The following CNDP2 variants were observed in gnomAD, a reference collection of about 807,000 sequenced individuals.
CNDP2 encodes the protein cytosolic non-specific dipeptidase.
Under a neutral mutation model 55.0 loss-of-function variants are expected in CNDP2, and 38 were observed. That is an observed-to-expected ratio of 0.69 (90% CI 0.53 to 0.90). CNDP2 has a LOEUF of 0.90. Ranked by LOEUF, CNDP2 falls within the 40% of genes least tolerant of loss-of-function variation. The probability of loss-of-function intolerance (pLI) is 0.00; values close to 1 mark genes in which losing one functional copy is unlikely to be tolerated. For synonymous variants in CNDP2, 241 were observed against 260.2 expected (o/e 0.93, Z 0.71); for missense variants, 607 against 621.7 (o/e 0.98, Z 0.25).
Position 74,516,326 on chromosome 18 carries a change from G to A in CNDP2, c.1002G>A (p.Arg334=). Residue 334 remains arginine, a synonymous_variant, in exon 9 of 12, where the codon AGG becomes AGA. Transcript: ENST00000324262. ...CTGGGGCCAAGACCGTGATTCCCAG[G>A]AAGGTGGTTGGCAAGTTCTCCATCA... ...SGSGAKTVIP[R]KVVGKFSIRL... 6.2e-7 allele frequency: 1 copy of A among 1,614,148 alleles called. No individual in the cohort carries two copies.
chr18:74,505,837 C>G lies in CNDP2; in HGVS notation c.205-12C>G, dbSNP rs749182829. 6 of 1,612,940 alleles carry G rather than the reference C, an allele frequency of 3.7e-6. No homozygotes were observed. Among genetic ancestry groups the G allele is most frequent in the Non-Finnish European group, 5.1e-6 (6 of 1,179,634 alleles). ...AAAGGCTGTCCTTGGTTCCTTTCCT[C>G]TCCATGCTCAGCTCCCTGATGGCTC... On this transcript the variant is annotated splice_polypyrimidine_tract_variant and intron_variant, in intron 3 of 11. Transcript: ENST00000324262.
At chr18:74,512,247 T>C in intron 6 of CNDP2, 2 of 558,418 alleles carry the variant, frequency 3.6e-6, no homozygotes, top group African/African-American at 1.9e-5. Context: ...GTGGTTGGCA[T>C]ATGCCACAGA....
chr18:74,511,268 C>T (rs1045584033), intron 6 of CNDP2: 14 of 507,412 alleles, frequency 2.8e-5, no homozygotes, highest in African/African-American at 5.7e-5. Flanking sequence ...TGCTTTGGAG[C>T]GGCTGAGAGG....
chr18:74,500,719 A>G (rs1452067561), intron 2 of CNDP2, among the ~76,000 whole-genome samples: 3 of 152,206 alleles, frequency 2.0e-5, no homozygotes, highest in Non-Finnish European at 4.4e-5. Context: ...TTGTAGAAGG[A>G]AGGGCTTTAT....
At chr18:74,501,291 CT>C in intron 2 of CNDP2, 37 bp from the exon 3 acceptor site, 2 of 1,598,302 alleles carry the variant, frequency 1.3e-6, no homozygotes, top group Non-Finnish European at 1.7e-6. Context: ...TCAAGGACAC[CT>C]TTTCAGAATC....
intron 1 of CNDP2, among the ~76,000 whole-genome samples, chr18:74,498,534 G>C (rs927415969): frequency 2.6e-5 from 4 of 152,158 alleles, no homozygotes. Flanking sequence ...TAATGAGAAT[G>C]TACCACAGTG....
intron 4 of CNDP2, among the ~76,000 whole-genome samples, chr18:74,506,382 C>T (rs934281111): frequency 3.3e-5 from 5 of 152,060 alleles, no homozygotes; most frequent in Non-Finnish European, 5.9e-5. Flanking sequence ...TGATCCCCCC[C>T]ACCTCAGCCT....
chr18:74,513,613 T>G lies in CNDP2; in HGVS notation c.797T>G (p.Val266Gly). Residue 266 changes from valine to glycine, a missense_variant, in exon 8 of 12, where the codon GTG (valine) becomes GGG (glycine). Coordinates refer to ENST00000324262, the MANE Select transcript of CNDP2 (RefSeq NM_018235.3). ...CTGATCCCCGGCATTAACGAGGCCG[T>G]GGCCGCCGTCACGGAAGAGGAGCAC... The part of the protein sequence containing the change: ...NILIPGINEA[V>G]AAVTEEEHKL... The G allele has an allele frequency of 6.2e-7, 1 of 1,613,984 alleles. No individual in the cohort carries two copies. The highest frequency in any genetic ancestry group is 8.5e-7 in the Non-Finnish European group (1 of 1,180,006).
intron 4 of CNDP2, chr18:74,508,086 G>C (rs1428808422): frequency 6.6e-6 from 1 of 152,328 alleles, no homozygotes; most frequent in Non-Finnish European, 1.5e-5. Flanking sequence ...AGCCCCGGGA[G>C]GTCAGGAGAC....
chr18:74,508,724 G>A (rs1979171689), intron 4 of CNDP2, 116 bp from the exon 5 acceptor site: 4 of 755,362 alleles, frequency 5.3e-6, no homozygotes, highest in Non-Finnish European at 9.2e-6. Context: ...CTGATCGGAA[G>A]GGGAAGCCTC....
intron 3 of CNDP2, among the ~76,000 whole-genome samples, chr18:74,503,937 A>AT (rs1978859263): frequency 6.7e-6 from 1 of 150,182 alleles, no homozygotes; most frequent in African/African-American, 2.5e-5. Flanking sequence ...GGGACAAATG[A>AT]GGGGCGTCAG....
chr18:74,500,123 C>A, intron 2 of CNDP2, 90 bp downstream of exon 2: 3 of 1,049,462 alleles, frequency 2.9e-6, no homozygotes, highest in South Asian at 1.4e-5. Context: ...TGAATTATGC[C>A]ATTTAAATCC....
chr18:74,510,938 T>G lies in CNDP2; in HGVS notation c.582T>G (p.Ser194=), dbSNP rs767049173. 6 of 1,614,102 alleles carry G rather than the reference T, an allele frequency of 3.7e-6. No individual in the cohort carries two copies. The highest frequency in any genetic ancestry group is 5.1e-6 in the Non-Finnish European group (6 of 1,180,048). Residue 194 remains serine (S), a synonymous_variant, in exon 6 of 12, where the codon TCT becomes TCG. Coordinates refer to ENST00000324262, the MANE Select transcript of CNDP2 (RefSeq NM_018235.3). ...AGGATGTGGACTATGTCTGCATTTC[T>G]GACAATTACTGGCTGGGAAAGAAGA... ...FFKDVDYVCI[S]DNYWLGKKKP... is the part of the protein sequence containing the mutation.
intron 6 of CNDP2, among the ~76,000 whole-genome samples, chr18:74,511,712 A>T (rs1979364740): frequency 6.6e-6 from 1 of 151,826 alleles, no homozygotes; most frequent in Non-Finnish European, 1.5e-5. Flanking sequence ...CACTTCAAAA[A>T]AAAAAAAAAA....
At position 74,516,275 on chromosome 18, in the gene CNDP2, T is replaced by C; in HGVS notation, c.951T>C (p.His317=). ...HRWRYPSLSL[H]GIEGAFSGSG... ...GGCGGTACCCGTCTCTGTCCCTCCATGGCATCGAAGGCGCCTTCTCTGGGT... is the reference window on the plus strand; with the variant it reads ...GGCGGTACCCGTCTCTGTCCCTCCACGGCATCGAAGGCGCCTTCTCTGGGT... Residue 317 remains histidine, a synonymous_variant, in exon 9 of 12, where the codon CAT becomes CAC. Coordinates refer to ENST00000324262, the MANE Select transcript of CNDP2 (RefSeq NM_018235.3). 1.2e-6 allele frequency: 2 copies of C among 1,614,074 alleles called. No individual in the cohort carries two copies. Among genetic ancestry groups the C allele is most frequent in the Non-Finnish European group, 1.7e-6 (2 of 1,179,966 alleles).
In CNDP2 at chr18:74,520,148, G is replaced by T; in HGVS notation, c.*80G>T. 1 of 1,347,364 alleles carries T rather than the reference G, an allele frequency of 7.4e-7. No individual in the cohort carries two copies. Among genetic ancestry groups the T allele is most frequent in the Non-Finnish European group, 1.1e-6 (1 of 944,444 alleles). 83.5% of individuals were successfully genotyped at this position (1,347,364 alleles called of 1,614,324 possible). A position where few individuals can be genotyped will look rare whatever the true frequency, so the allele number is the denominator to read the frequency against. On this transcript the variant is annotated 3_prime_UTR_variant, in exon 12 of 12. Coordinates refer to ENST00000324262, the MANE Select transcript of CNDP2 (RefSeq NM_018235.3). Reference sequence around the variant, plus strand: ...CCTTTTCCAACTTGCCCAGGGAAGTGGAGGTTCCCTCTTTCCTTTCCCTCT... The same window carrying T: ...CCTTTTCCAACTTGCCCAGGGAAGTTGAGGTTCCCTCTTTCCTTTCCCTCT...
intron 8 of CNDP2, 200 bp downstream of exon 8, chr18:74,513,919 A>G (rs1280859369): frequency 3.7e-6 from 2 of 544,564 alleles, no homozygotes; most frequent in Admixed American, 7.1e-5. Flanking sequence ...TCTACTTTTG[A>G]TTCCATCAGA....
chr18:74,518,847 T>C (rs1979878847), intron 10 of CNDP2, 102 bp from the exon 11 acceptor site: 1 of 1,535,230 alleles, frequency 6.5e-7, no homozygotes, highest in Non-Finnish European at 8.9e-7. Flanking sequence ...CCCCAGGGCC[T>C]TGCACAGCAT....
chr18:74,512,307 C>A, intron 6 of CNDP2, 141 bp from the exon 7 acceptor site: 1 of 664,126 alleles, frequency 1.5e-6, no homozygotes, highest in Non-Finnish European at 2.6e-6. Context: ...TGGGAAATGC[C>A]TTGCTTTGCT....
Sources: gnomAD v4.1 joint callset for allele counts (sites outside exome capture counted in the v4.1 genomes callset) on GRCh38, gnomAD v4.1.1 for gene constraint, MANE v1.5 for transcripts, NCBI Gene and HGNC (gene_info 2026-07-23, HGNC 2026-07-21) for gene names.